Variants in ZNF385D observed in about 807,000 individuals in gnomAD.
The protein encoded by ZNF385D is zinc finger protein 385D, also known as zinc finger protein 659.
A neutral mutation model predicts 35.8 loss-of-function variants in ZNF385D; 15 were observed. The ratio of observed to expected loss-of-function variants is 0.42; its 90% CI spans 0.28 to 0.64. The LOEUF (loss-of-function observed/expected upper bound fraction) is 0.64. ZNF385D is among the 30% of genes least tolerant of loss of function. ZNF385D has a pLI of 0.23. For missense variants in ZNF385D, 474 were observed against 494.6 expected (o/e 0.96, Z 0.39); for synonymous variants, 212 against 186.8 (o/e 1.13, Z -1.10).
intron 3 of ZNF385D, among the ~76,000 whole-genome samples, chr3:21,800,736 C>A (rs1448374843): frequency 6.6e-6 from 1 of 151,968 alleles, no homozygotes; most frequent in African/African-American, 2.4e-5. Flanking sequence ...ATACAGTTGT[C>A]TTTTGTTTGT....
At chr3:22,300,873 A>AT (rs1702863667) in intron 2 of ZNF385D, among the ~76,000 whole-genome samples, 1 of 152,062 alleles carries the variant, frequency 6.6e-6, no homozygotes, top group Non-Finnish European at 1.5e-5. Flanking sequence ...GAAAAACAGT[A>AT]TGGAGTTTCC....
At chr3:21,971,988 T>C (rs1328910529) in intron 3 of ZNF385D, among the ~76,000 whole-genome samples, 1 of 151,822 alleles carries the variant, frequency 6.6e-6, no homozygotes, top group Non-Finnish European at 1.5e-5. Context: ...TCAAGAGAGG[T>C]AGATCCCAAC....
chr3:22,217,541 G>C (rs989411832), intron 2 of ZNF385D, among the ~76,000 whole-genome samples: 1 of 152,154 alleles, frequency 6.6e-6, no homozygotes. Flanking sequence ...TGAAGTACTG[G>C]ATGTTGGGAC....
chr3:21,838,531 A>G (rs556587830), intron 3 of ZNF385D, among the ~76,000 whole-genome samples: 1 of 152,258 alleles, frequency 6.6e-6, no homozygotes, highest in African/African-American at 2.4e-5. Flanking sequence ...CTAAGGCACT[A>G]GGAAGAAAAT....
intron 3 of ZNF385D, among the ~76,000 whole-genome samples, chr3:22,075,724 A>G (rs557884305): frequency 6.6e-6 from 1 of 152,042 alleles, no homozygotes; most frequent in South Asian, 2.1e-4. Context: ...AATATTATCT[A>G]CAAAAACCCT....
chr3:22,305,092 G>A (rs773375057), intron 2 of ZNF385D, among the ~76,000 whole-genome samples: 11 of 151,292 alleles, frequency 7.3e-5, no homozygotes, highest in Non-Finnish European at 1.5e-4. Context: ...CTCAGCTTTC[G>A]TCTTAGGTAC....
At chr3:21,959,028 T>C (rs1702438482) in intron 3 of ZNF385D, 1 of 152,178 alleles carries the variant, frequency 6.6e-6, no homozygotes, top group Non-Finnish European at 1.5e-5. Context: ...AATACAGGTT[T>C]CTGGTATTTG....
At chr3:22,046,784 A>G (rs1322665652) in intron 3 of ZNF385D, among the ~76,000 whole-genome samples, 1 of 152,148 alleles carries the variant, frequency 6.6e-6, no homozygotes, top group East Asian at 1.9e-4. Context: ...CTGGTCAACA[A>G]AAGGCACTTT....
chr3:22,226,244 G>A (rs1698550701), intron 2 of ZNF385D, among the ~76,000 whole-genome samples: 1 of 151,966 alleles, frequency 6.6e-6, no homozygotes, highest in South Asian at 2.1e-4. Context: ...TTTTACCACA[G>A]CTGGACACAA....
At chr3:21,789,654 G>C (rs2071844055) in intron 3 of ZNF385D, among the ~76,000 whole-genome samples, 1 of 152,040 alleles carries the variant, frequency 6.6e-6, no homozygotes, top group African/African-American at 2.4e-5. Context: ...TGATTTACAT[G>C]GTCAGAAAAG....
intron 3 of ZNF385D, among the ~76,000 whole-genome samples, chr3:22,072,695 G>A (rs1413889096): frequency 6.6e-6 from 1 of 151,542 alleles, no homozygotes; most frequent in African/African-American, 2.4e-5. Flanking sequence ...GAAAGAGGGA[G>A]AAAGGGAGAA....
intron 2 of ZNF385D, among the ~76,000 whole-genome samples, chr3:22,304,925 T>C (rs911934699): frequency 4.6e-5 from 7 of 152,160 alleles, no homozygotes; most frequent in Non-Finnish European, 1.0e-4. Flanking sequence ...CCTTATTTCT[T>C]TTTATGATTA....
chr3:21,641,314 A>G (rs548189721), intron 2 of ZNF385D, among the ~76,000 whole-genome samples: 62 of 151,984 alleles, frequency 4.1e-4, no homozygotes, highest in African/African-American at 1.5e-3. Flanking sequence ...GTACAGTACC[A>G]GACAAGTTGG....
chr3:22,219,746 T>A (rs188531286), intron 2 of ZNF385D, among the ~76,000 whole-genome samples: 2 of 152,200 alleles, frequency 1.3e-5, no homozygotes, highest in African/African-American at 4.8e-5. Flanking sequence ...ATGTGATTTA[T>A]ACTAAATGGA....
intron 3 of ZNF385D, among the ~76,000 whole-genome samples, chr3:21,791,338 C>T (rs1254187035): frequency 6.6e-6 from 1 of 152,076 alleles, no homozygotes; most frequent in South Asian, 2.1e-4. Context: ...AAGTAAGAAA[C>T]AAACATAAAA....
At chr3:22,188,992 C>T (rs1243731639) in intron 2 of ZNF385D, among the ~76,000 whole-genome samples, 1 of 152,134 alleles carries the variant, frequency 6.6e-6, no homozygotes, top group African/African-American at 2.4e-5. Context: ...AGAGCAAGTT[C>T]TCTTAGAAAG....
At chr3:21,950,015 A>G (rs1242257454) in intron 3 of ZNF385D, among the ~76,000 whole-genome samples, 1 of 152,200 alleles carries the variant, frequency 6.6e-6, no homozygotes, top group South Asian at 2.1e-4. Flanking sequence ...CACAATAAAC[A>G]TATGTGTGCA....
At chr3:21,801,753 T>C (rs1335228919) in intron 3 of ZNF385D, among the ~76,000 whole-genome samples, 2 of 152,176 alleles carry the variant, frequency 1.3e-5, no homozygotes, top group East Asian at 3.9e-4. Flanking sequence ...TGAAAACTCA[T>C]AATGCTCTGA....
intron 3 of ZNF385D, among the ~76,000 whole-genome samples, chr3:21,979,378 G>C (rs1453325325): frequency 6.6e-6 from 1 of 152,106 alleles, no homozygotes; most frequent in Non-Finnish European, 1.5e-5. Flanking sequence ...CCTCATTGTA[G>C]ACATAAGAAA....
Sources: allele counts gnomAD v4.1 joint callset (sites outside exome capture counted in the v4.1 genomes callset), GRCh38; gene constraint gnomAD v4.1.1; transcripts MANE v1.5; gene names NCBI Gene and HGNC (gene_info 2026-07-23, HGNC 2026-07-21).